ST3GAL6: variants seen among roughly 807,000 people sequenced by gnomAD.
The protein encoded by ST3GAL6 is ST3 beta-galactoside alpha-2,3-sialyltransferase 6, also known as type 2 lactosamine alpha-2,3-sialyltransferase.
ST3GAL6 carries 31 observed loss-of-function variants against 40.5 expected under a neutral mutation model. That is an observed-to-expected ratio of 0.77 (90% CI 0.58 to 1.03). The LOEUF (loss-of-function observed/expected upper bound fraction) is 1.03. Ranked by LOEUF, ST3GAL6 falls within the 50% of genes least tolerant of loss-of-function variation. The pLI, the probability that ST3GAL6 is intolerant of heterozygous loss-of-function variation, is 0.00. For missense variants in ST3GAL6, 357 were observed against 393.2 expected (o/e 0.91, Z 0.78); for synonymous variants, 129 against 136.9 (o/e 0.94, Z 0.40).
chr3:98,744,597 G>T (rs964316181), intron 1 of ST3GAL6, among the ~76,000 whole-genome samples: 5 of 152,084 alleles, frequency 3.3e-5, no homozygotes, highest in African/African-American at 1.2e-4. Context: ...TTTGCTTCCT[G>T]ACATGCTCCA....
chr3:98,767,311 A>G (rs1938463447), intron 1 of ST3GAL6, among the ~76,000 whole-genome samples: 2 of 152,214 alleles, frequency 1.3e-5, no homozygotes, highest in Non-Finnish European at 2.9e-5. Flanking sequence ...AAAAGTTTAA[A>G]TTATGTTTAG....
intron 5 of ST3GAL6, chr3:98,783,434 C>T (rs1190587940): frequency 4.5e-6 from 2 of 440,078 alleles, no homozygotes; most frequent in Non-Finnish European, 6.0e-6. Context: ...TGTTCAGTGT[C>T]CCCTTGCCGG....
chr3:98,774,863 T>C (rs537465782), intron 5 of ST3GAL6, among the ~76,000 whole-genome samples: 1 of 152,282 alleles, frequency 6.6e-6, no homozygotes, highest in East Asian at 1.9e-4. Context: ...TGACGTGAAG[T>C]GTGTATTTGT....
At chr3:98,753,161 C>G (rs1937155573) in intron 1 of ST3GAL6, among the ~76,000 whole-genome samples, 1 of 152,144 alleles carries the variant, frequency 6.6e-6, no homozygotes, top group African/African-American at 2.4e-5. Flanking sequence ...AAGTGCTTCT[C>G]CAGTGAATAC....
At chr3:98,793,426 G>C (rs1941372551) in intron 9 of ST3GAL6, among the ~76,000 whole-genome samples, 1 of 152,156 alleles carries the variant, frequency 6.6e-6, no homozygotes, top group African/African-American at 2.4e-5. Context: ...GGTCTACCAG[G>C]GTTTGATATG....
chr3:98,762,007 G>A (rs79167898), upstream of ST3GAL6, among the ~76,000 whole-genome samples: 2,293 of 152,332 alleles, frequency 0.015, 64 homozygotes, highest in African/African-American at 0.053. Flanking sequence ...ACTTTCAGGA[G>A]AGGATCTGGT....
chr3:98,756,469 T>G (rs1937428036), intron 1 of ST3GAL6: 1 of 1,289,178 alleles, frequency 7.8e-7, no homozygotes, highest in African/African-American at 1.5e-5. Flanking sequence ...TTTGGCAGCC[T>G]GGTCCCTCTT....
At chr3:98,772,242 G>A (rs1939078408) in intron 3 of ST3GAL6, 1 of 152,700 alleles carries the variant, frequency 6.5e-6, no homozygotes, top group Non-Finnish European at 1.5e-5. Flanking sequence ...GTGTACTTGA[G>A]GCCACTTTCT....
intron 8 of ST3GAL6, among the ~76,000 whole-genome samples, chr3:98,788,875 T>G (rs1392061489): frequency 6.6e-6 from 1 of 152,192 alleles, no homozygotes; most frequent in Non-Finnish European, 1.5e-5. Context: ...TGAGATGCTC[T>G]GATAAAAATA....
intron 8 of ST3GAL6, among the ~76,000 whole-genome samples, chr3:98,791,040 G>GTA (rs1941164318): frequency 6.6e-6 from 1 of 151,982 alleles, no homozygotes; most frequent in African/African-American, 2.4e-5. Context: ...ATTTCAATGG[G>GTA]AACTATAAGA....
intron 1 of ST3GAL6, among the ~76,000 whole-genome samples, chr3:98,740,870 A>C (rs1264504730): frequency 6.6e-6 from 1 of 152,042 alleles, no homozygotes; most frequent in South Asian, 2.1e-4. Context: ...ATATACCTCT[A>C]ATTTTTTCTC....
chr3:98,745,626 T>C (rs1191465073), intron 1 of ST3GAL6, among the ~76,000 whole-genome samples: 1 of 152,218 alleles, frequency 6.6e-6, no homozygotes, highest in Non-Finnish European at 1.5e-5. Flanking sequence ...CTTCAAGACA[T>C]TTTTAAAAAT....
intron 1 of ST3GAL6, among the ~76,000 whole-genome samples, chr3:98,740,923 T>C (rs570043645): frequency 6.6e-6 from 1 of 152,348 alleles, no homozygotes; most frequent in South Asian, 2.1e-4. Flanking sequence ...TTGGACTATG[T>C]TAATCTACCT....
chr3:98,735,244 T>C (rs1215088079), intron 1 of ST3GAL6, among the ~76,000 whole-genome samples: 2 of 152,206 alleles, frequency 1.3e-5, no homozygotes, highest in Non-Finnish European at 2.9e-5. Context: ...ACTCTACCTC[T>C]GCCTACACCA....
At chr3:98,780,990 T>G (rs1176769955) in intron 5 of ST3GAL6, among the ~76,000 whole-genome samples, 2 of 152,212 alleles carry the variant, frequency 1.3e-5, no homozygotes, top group Non-Finnish European at 2.9e-5. Context: ...TTATACTATA[T>G]AGACATTATA....
At position 98,793,764 on chromosome 3, in the gene ST3GAL6, C is replaced by T. The variant is rs201859239; in HGVS notation, c.*3C>T. On this transcript the variant is annotated 3_prime_UTR_variant, in exon 10 of 10. Transcript: ENST00000483910. ...TAATCAACTTGACTCAAGATTGACT[C>T]TACAGACTCAGAAGATGATGCTAAC... 316 of 1,569,582 alleles carry T rather than the reference C, an allele frequency of 2.0e-4. No homozygotes were observed. Among genetic ancestry groups the T allele is most frequent in the Non-Finnish European group, 2.3e-4 (263 of 1,154,562 alleles).
chr3:98,783,744 T>G, intron 5 of ST3GAL6: 1 of 962,750 alleles, frequency 1.0e-6, no homozygotes, highest in Non-Finnish European at 1.2e-6. Context: ...CCACTGGTAC[T>G]TATTTTTCTT....
intron 1 of ST3GAL6, among the ~76,000 whole-genome samples, chr3:98,757,018 T>C (rs1311321632): frequency 6.6e-6 from 1 of 152,240 alleles, no homozygotes; most frequent in Non-Finnish European, 1.5e-5. Context: ...TTCATTAAAG[T>C]ACCTTCTAAT....
upstream of ST3GAL6, among the ~76,000 whole-genome samples, chr3:98,761,431 A>C (rs1227493926): frequency 1.3e-5 from 2 of 152,126 alleles, no homozygotes; most frequent in East Asian, 3.9e-4. Context: ...AACATGGCAA[A>C]ACCCCATCTC....
Sources: gnomAD v4.1 joint callset for allele counts (sites outside exome capture counted in the v4.1 genomes callset) on GRCh38, gnomAD v4.1.1 for gene constraint, MANE v1.5 for transcripts, NCBI Gene and HGNC (gene_info 2026-07-23, HGNC 2026-07-21) for gene names.